The following NCALD variants were observed in gnomAD, a reference collection of about 807,000 sequenced individuals.
The protein encoded by NCALD is neurocalcin delta.
A neutral mutation model predicts 18.6 loss-of-function variants in NCALD; 10 were observed. The ratio of observed to expected loss-of-function variants is 0.54; its 90% confidence interval spans 0.33 to 0.91. The LOEUF (loss-of-function observed/expected upper bound fraction) is 0.91, where lower values mean the gene tolerates loss of function less well. Among genes scored for constraint, NCALD ranks in the 40% least tolerant of loss-of-function variants. The pLI, the probability that NCALD is intolerant of heterozygous loss-of-function variation, is 0.03. For synonymous variants in NCALD, 88 were observed against 87.4 expected (o/e 1.01, Z -0.04); for missense variants, 184 against 247.6 (o/e 0.74, Z 1.72).
At chr8:101,992,213 T>C (rs954341127) in intron 2 of NCALD, among the ~76,000 whole-genome samples, 4 of 152,116 alleles carry the variant, frequency 2.6e-5, no homozygotes, top group Non-Finnish European at 5.9e-5. Context: ...CCGGTGGGCT[T>C]GTTTTCATTC....
intron 1 of NCALD, among the ~76,000 whole-genome samples, chr8:102,078,566 T>C (rs1824423631): frequency 6.6e-6 from 1 of 152,202 alleles, no homozygotes; most frequent in Non-Finnish European, 1.5e-5. Context: ...TCACCCCTAA[T>C]TCATTATGCT....
At chr8:101,733,485 G>C (rs773329168) in intron 1 of NCALD, among the ~76,000 whole-genome samples, 1 of 152,304 alleles carries the variant, frequency 6.6e-6, no homozygotes, top group Non-Finnish European at 1.5e-5. Flanking sequence ...GGAGGACCAA[G>C]TGAGAAAGGG....
At chr8:101,908,048 TGA>T (rs1421670053) in intron 3 of NCALD, among the ~76,000 whole-genome samples, 2 of 152,098 alleles carry the variant, frequency 1.3e-5, no homozygotes, top group Non-Finnish European at 2.9e-5. Flanking sequence ...AGGCAGAGTG[TGA>T]GAGATCAATC....
At chr8:101,845,224 C>T (rs1423423358) in intron 4 of NCALD, among the ~76,000 whole-genome samples, 1 of 152,140 alleles carries the variant, frequency 6.6e-6, no homozygotes, top group Non-Finnish European at 1.5e-5. Flanking sequence ...AAAGAGTGAG[C>T]CCAGTAATGT....
chr8:101,825,763 T>C (rs1259075398), intron 4 of NCALD, among the ~76,000 whole-genome samples: 7 of 151,248 alleles, frequency 4.6e-5, no homozygotes, highest in Admixed American at 4.0e-4. Flanking sequence ...ATATTAAACA[T>C]TTTAGGCTTT....
intron 4 of NCALD, among the ~76,000 whole-genome samples, chr8:101,839,207 G>GGTA (rs1277067453): frequency 3.9e-5 from 6 of 152,136 alleles, no homozygotes; most frequent in Admixed American, 1.3e-4. Context: ...GACCTGTGAT[G>GGTA]GTAGTGGTGT....
intron 2 of NCALD, among the ~76,000 whole-genome samples, chr8:102,003,000 T>C (rs918647002): frequency 6.6e-6 from 1 of 151,916 alleles, no homozygotes; most frequent in Admixed American, 6.6e-5. Flanking sequence ...ATTCAAAAGC[T>C]AGCAGAAGGC....
intron 1 of NCALD, among the ~76,000 whole-genome samples, chr8:101,737,348 C>A (rs1234171920): frequency 2.0e-5 from 3 of 152,212 alleles, no homozygotes; most frequent in Non-Finnish European, 4.4e-5. Context: ...TCCAAGCCTT[C>A]ACTGTCTTCA....
At chr8:101,802,706 C>G (rs1812914099) in intron 4 of NCALD, among the ~76,000 whole-genome samples, 2 of 152,000 alleles carry the variant, frequency 1.3e-5, no homozygotes, top group African/African-American at 4.8e-5. Context: ...TAACTCTCTT[C>G]AATTCTATAA....
chr8:101,898,451 A>G (rs1273083751), intron 3 of NCALD, among the ~76,000 whole-genome samples: 2 of 152,112 alleles, frequency 1.3e-5, no homozygotes, highest in East Asian at 1.9e-4. Context: ...ATTTTCTCCT[A>G]GTCTATAGCT....
chr8:102,050,672 T>C (rs545429240), intron 1 of NCALD, among the ~76,000 whole-genome samples: 61 of 147,794 alleles, frequency 4.1e-4, no homozygotes, highest in Non-Finnish European at 7.9e-4. Context: ...ATATATAGTA[T>C]ATTCTACCAT....
chr8:102,028,613 T>C (rs1443746668), intron 1 of NCALD, among the ~76,000 whole-genome samples: 2 of 152,154 alleles, frequency 1.3e-5, no homozygotes, highest in African/African-American at 4.8e-5. Flanking sequence ...TCAAAACTAA[T>C]CTGGTTAGCA....
At chr8:102,077,883 C>T (rs1824399857) in intron 1 of NCALD, among the ~76,000 whole-genome samples, 1 of 152,094 alleles carries the variant, frequency 6.6e-6, no homozygotes, top group Non-Finnish European at 1.5e-5. Context: ...AGCTCCAGGC[C>T]TCCTCTGCTC....
intron 1 of NCALD, among the ~76,000 whole-genome samples, chr8:102,099,847 T>C (rs1825218122): frequency 6.6e-6 from 1 of 151,668 alleles, no homozygotes; most frequent in African/African-American, 2.4e-5. Flanking sequence ...CAGTGCACAC[T>C]TGTAATCCCA....
chr8:102,068,508 C>T (rs945616618), intron 1 of NCALD, among the ~76,000 whole-genome samples: 3 of 152,172 alleles, frequency 2.0e-5, no homozygotes, highest in East Asian at 3.8e-4. Flanking sequence ...TTGCTATTGT[C>T]TCAGGTGTCA....
At chr8:101,968,673 T>C (rs1032080979) in intron 2 of NCALD, among the ~76,000 whole-genome samples, 1 of 152,106 alleles carries the variant, frequency 6.6e-6, no homozygotes, top group Non-Finnish European at 1.5e-5. Flanking sequence ...TTTCTTTCCC[T>C]ACTTCCTGTG....
intron 1 of NCALD, among the ~76,000 whole-genome samples, chr8:102,081,559 AAAAAAAAAAAAAAAAAAC>A (rs1824531355): frequency 1.6e-5 from 2 of 121,866 alleles, no homozygotes; most frequent in African/African-American, 7.5e-5. Context: ...AAAAAAAAAA[AAAAAAAAAAAAAAAAAAC>A]CCCAAAAAAA....
At chr8:102,024,056 C>G (rs1386074746) in intron 1 of NCALD, among the ~76,000 whole-genome samples, 1 of 152,148 alleles carries the variant, frequency 6.6e-6, no homozygotes, top group Non-Finnish European at 1.5e-5. Context: ...ATCCTTGTTG[C>G]TCTTTTGCCA....
At chr8:101,974,235 C>T (rs994293246) in intron 2 of NCALD, among the ~76,000 whole-genome samples, 11 of 152,144 alleles carry the variant, frequency 7.2e-5, no homozygotes, top group African/African-American at 1.4e-4. Context: ...TGGCAAAACC[C>T]GCAATTACTT....
Sources: gnomAD v4.1 joint callset for allele counts (sites outside exome capture counted in the v4.1 genomes callset) on GRCh38, gnomAD v4.1.1 for gene constraint, MANE v1.5 for transcripts, NCBI Gene and HGNC (gene_info 2026-07-23, HGNC 2026-07-21) for gene names.